The following ADRA1B variants were observed in gnomAD, a reference collection of about 807,000 sequenced individuals.
ADRA1B encodes alpha-1B adrenergic receptor.
ADRA1B carries 17 observed loss-of-function variants against 17.9 expected under a neutral mutation model. The observed-to-expected ratio is 0.95, with a 90% confidence interval of 0.65 to 1.42. ADRA1B has a LOEUF of 1.42. Among genes scored for constraint, ADRA1B ranks in the 40% most tolerant of loss-of-function variants. The pLI, the probability that ADRA1B is intolerant of heterozygous loss-of-function variation, is 0.00. For synonymous variants in ADRA1B, 366 were observed against 327.6 expected, an observed-to-expected ratio of 1.12 and a Z score of -1.27; for missense variants, 681 against 722.1, an observed-to-expected ratio of 0.94 and a Z score of 0.65.
chr5:159,929,641 G>A (rs1754747147), intron 1 of ADRA1B, among the ~76,000 whole-genome samples: 1 of 151,866 alleles, frequency 6.6e-6, no homozygotes, highest in Non-Finnish European at 1.5e-5. Context: ...CAGGGAACTT[G>A]GACCGTGCCA....
chr5:159,866,073 A>T (rs887393974), intron 1 of ADRA1B, among the ~76,000 whole-genome samples: 14 of 152,182 alleles, frequency 9.2e-5, no homozygotes, highest in African/African-American at 3.1e-4. Context: ...ACTATGTAAG[A>T]GTTCTAAAGA....
chr5:159,910,928 GT>G (rs1261497368), intron 1 of ADRA1B, among the ~76,000 whole-genome samples: 3 of 151,946 alleles, frequency 2.0e-5, no homozygotes, highest in Non-Finnish European at 2.9e-5. Flanking sequence ...CAGTTTTTTT[GT>G]TTGTTTGTTT....
Position 159,916,926 on chromosome 5 carries a change from C to G in ADRA1B, c.21C>G (p.Thr7=). 6.2e-7 allele frequency: 1 copy of G among 1,612,370 alleles called. No homozygotes were observed. Among genetic ancestry groups the G allele is most frequent in the Non-Finnish European group, 8.5e-7 (1 of 1,179,134 alleles). The change falls in exon 1 of 2, where the codon ACC becomes ACG. Residue 7 remains threonine (T), a synonymous_variant. Coordinates refer to ENST00000306675, the MANE Select transcript of ADRA1B (RefSeq NM_000679.4). The stretch of plus-strand genomic sequence containing the variant: ...CTAAGATGAATCCCGACCTGGACAC[C>G]GGCCACAACACATCAGCACCTGCCC... MNPDLD[T]GHNTSAPAHW...
chr5:159,919,200 T>C (rs1372952173), intron 1 of ADRA1B, among the ~76,000 whole-genome samples: 1 of 152,232 alleles, frequency 6.6e-6, no homozygotes, highest in African/African-American at 2.4e-5. Context: ...TTCAGAAATA[T>C]TTTCAATGGT....
intron 1 of ADRA1B, among the ~76,000 whole-genome samples, chr5:159,880,807 G>A (rs1050952877): frequency 4.6e-5 from 7 of 152,150 alleles, no homozygotes; most frequent in Admixed American, 3.3e-4. Context: ...ACCCAGCCAG[G>A]CCATTCCACA....
intron 1 of ADRA1B, among the ~76,000 whole-genome samples, chr5:159,925,141 A>T (rs930739596): frequency 6.6e-6 from 1 of 152,188 alleles, no homozygotes; most frequent in African/African-American, 2.4e-5. Flanking sequence ...GCTCTCCTAG[A>T]GGTGGGGCTC....
At chr5:159,931,193 C>A (rs537994686) in intron 1 of ADRA1B, among the ~76,000 whole-genome samples, 2 of 144,044 alleles carry the variant, frequency 1.4e-5, no homozygotes, top group African/African-American at 2.6e-5. Flanking sequence ...AGTTCGAGAC[C>A]AATCTGGGCA....
At chr5:159,928,853 G>T (rs898426488) in intron 1 of ADRA1B, among the ~76,000 whole-genome samples, 2 of 152,164 alleles carry the variant, frequency 1.3e-5, no homozygotes, top group African/African-American at 4.8e-5. Flanking sequence ...CAGCTGGTTG[G>T]GGAGGAGGAG....
chr5:159,920,212 TCA>T (rs563213471), intron 1 of ADRA1B, among the ~76,000 whole-genome samples: 129 of 152,206 alleles, frequency 8.5e-4, no homozygotes, highest in Middle Eastern at 3.4e-3. Context: ...AGAAAATTTC[TCA>T]GTTTCCTTCA....
chr5:159,881,310 TC>T (rs1479924169), intron 1 of ADRA1B, among the ~76,000 whole-genome samples: 4 of 150,230 alleles, frequency 2.7e-5, no homozygotes, highest in Admixed American at 2.7e-4. Context: ...TCTCTCTCTC[TC>T]TCTCTCTCTC....
At chr5:159,988,749 G>A in the ADRA1B span, among the ~76,000 whole-genome samples, 1 of 152,166 alleles carries the variant, frequency 6.6e-6, no homozygotes, top group Non-Finnish European at 1.5e-5. Context: ...AGGCTGAATG[G>A]GAGGATCACT....
chr5:159,908,779 A>G lies in ADRA1B; in HGVS notation c.-255-7340A>G, dbSNP rs112302440. ...CAATGCTGCATGCATAACTGCACTC[A>G]GTAAGTCATAGTTAATTCAAATGGG... On this transcript the variant is annotated intron_variant, in intron 1 of 2. Transcript: ENST00000641205. 1.0e-2 allele frequency among the ~76,000 whole-genome samples: 1,516 copies of G among 152,354 alleles called. 26 individuals carry two copies. Among genetic ancestry groups the G allele is most frequent in the African/African-American group, 0.035 (1,445 of 41,576 alleles).
At chr5:159,953,284 T>C (rs534783609) in intron 1 of ADRA1B, among the ~76,000 whole-genome samples, 1 of 152,166 alleles carries the variant, frequency 6.6e-6, no homozygotes, top group South Asian at 2.1e-4. Flanking sequence ...CACTTGAACC[T>C]GGGAGGCAGA....
intron 1 of ADRA1B, among the ~76,000 whole-genome samples, chr5:159,945,039 T>A (rs907427338): frequency 6.6e-6 from 1 of 152,134 alleles, no homozygotes; most frequent in African/African-American, 2.4e-5. Flanking sequence ...AGAAAAAGCA[T>A]AAGCTCAACC....
intron 1 of ADRA1B, chr5:159,950,817 G>A (rs1755418642): frequency 3.4e-6 from 2 of 591,388 alleles, no homozygotes; most frequent in Admixed American, 2.6e-5. Flanking sequence ...CCATGTCAGT[G>A]AGCTTCTTGT....
At chr5:159,876,620 T>G (rs2113079927) in intron 1 of ADRA1B, among the ~76,000 whole-genome samples, 1 of 152,230 alleles carries the variant, frequency 6.6e-6, no homozygotes, top group African/African-American at 2.4e-5. Flanking sequence ...GCAGATACAG[T>G]TCTGTGAAAA....
chr5:159,980,888 T>C, the ADRA1B span, among the ~76,000 whole-genome samples: 1 of 152,036 alleles, frequency 6.6e-6, no homozygotes, highest in Non-Finnish European at 1.5e-5. Flanking sequence ...GATTATGAGA[T>C]GCTTCAACTC....
intron 1 of ADRA1B, among the ~76,000 whole-genome samples, chr5:159,960,159 C>A (rs911683458): frequency 6.6e-6 from 1 of 152,190 alleles, no homozygotes; most frequent in African/African-American, 2.4e-5. Flanking sequence ...CTGCCTTCTG[C>A]TTTCACACTT....
In ADRA1B at chr5:159,917,475, C is replaced by A. The variant is rs542410229; in HGVS notation, c.570C>A (p.Asn190Lys). 2 of 1,614,004 alleles carry A rather than the reference C, an allele frequency of 1.2e-6. No homozygotes were observed. Among genetic ancestry groups the A allele is most frequent in the African/African-American group, 2.7e-5 (2 of 74,910 alleles). The change falls in exon 1 of 2, where the codon AAC becomes AAA. Residue 190 changes from asparagine to lysine, a missense_variant. By Grantham distance (94) the Asn-to-Lys change is moderately conservative. Around this residue, in one of 3 missense-constraint regions of ADRA1B, gnomAD observed 424 missense variants for 480.2 expected, o/e 0.88. Transcript: ENST00000306675. The stretch of plus-strand genomic sequence containing the variant: ...TTGGGTGGAAGGAGCCGGCACCCAA[C>A]GATGACAAGGAGTGCGGGGTCACCG... Reference protein sequence around the residue: ...PLLGWKEPAPNDDKECGVTEE... With the variant: ...PLLGWKEPAPKDDKECGVTEE...
Sources: gnomAD v4.1 joint callset for allele counts (sites outside exome capture counted in the v4.1 genomes callset) on GRCh38, gnomAD v4.1.1 for gene constraint, gnomAD v4.1.1 regional missense constraint, MANE v1.5 for transcripts, NCBI Gene and HGNC (gene_info 2026-07-23, HGNC 2026-07-21) for gene names.